BARX2: variants seen among roughly 807,000 people sequenced by gnomAD.
BARX2 encodes homeobox protein BarH-like 2.
Under a neutral mutation model 25.5 loss-of-function variants are expected in BARX2, and 11 were observed. The observed-to-expected ratio is 0.43, with a 90% confidence interval of 0.27 to 0.71. BARX2 has a LOEUF of 0.71. BARX2 is among the 30% of genes least tolerant of loss of function. BARX2 has a pLI of 0.19. For missense variants in BARX2, 360 were observed against 359.9 expected (o/e 1.00, Z 0.00); for synonymous variants, 137 against 149.5 (o/e 0.92, Z 0.61).
intron 2 of BARX2, 43 bp from the exon 3 acceptor site, chr11:129,442,792 C>A: frequency 6.5e-7 from 1 of 1,537,186 alleles, no homozygotes; most frequent in South Asian, 1.1e-5. Context: ...CTCCTGCTGC[C>A]TCCCATTCTG....
chr11:129,418,202 A>G (rs866708177), intron 1 of BARX2, among the ~76,000 whole-genome samples: 15 of 152,266 alleles, frequency 9.9e-5, no homozygotes, highest in East Asian at 7.7e-4. Context: ...TCTAGGCGTA[A>G]TGGTTGCAAA....
intron 1 of BARX2, among the ~76,000 whole-genome samples, chr11:129,405,997 T>C (rs148373419): frequency 1.7e-4 from 26 of 152,346 alleles, no homozygotes; most frequent in Admixed American, 1.7e-3. Context: ...CCTATGTATG[T>C]TACTTATCTA....
chr11:129,420,928 G>A (rs770532353), intron 1 of BARX2, among the ~76,000 whole-genome samples: 1 of 152,174 alleles, frequency 6.6e-6, no homozygotes. Context: ...GTACCAAAAA[G>A]GGACCTTCAA....
intron 1 of BARX2, among the ~76,000 whole-genome samples, chr11:129,389,328 C>T (rs1861644920): frequency 6.6e-6 from 1 of 152,136 alleles, no homozygotes; most frequent in South Asian, 2.1e-4. Context: ...TGAAAAACCC[C>T]ACTTTACTCC....
chr11:129,444,950 A>G (rs1447698760), intron 3 of BARX2, among the ~76,000 whole-genome samples: 1 of 152,176 alleles, frequency 6.6e-6, no homozygotes, highest in Non-Finnish European at 1.5e-5. Context: ...GCAGTGAGCC[A>G]AGATCACACC....
chr11:129,450,004 C>T (rs1008344079), intron 3 of BARX2, among the ~76,000 whole-genome samples: 4 of 152,158 alleles, frequency 2.6e-5, no homozygotes, highest in South Asian at 2.1e-4. Context: ...ATTCAGGTGC[C>T]GTTCTGGTCC....
chr11:129,416,031 C>T (rs1349582948), intron 1 of BARX2, among the ~76,000 whole-genome samples: 1 of 152,180 alleles, frequency 6.6e-6, no homozygotes, highest in Non-Finnish European at 1.5e-5. Context: ...CTTTTGAAGA[C>T]CCCTGTTTCA....
chr11:129,449,718 G>A (rs1337060420), intron 3 of BARX2, among the ~76,000 whole-genome samples: 4 of 152,196 alleles, frequency 2.6e-5, no homozygotes, highest in Non-Finnish European at 2.9e-5. Flanking sequence ...ATCTTTTCTC[G>A]ACTCTAGGGA....
chr11:129,438,595 G>A (rs926839476), intron 2 of BARX2, among the ~76,000 whole-genome samples: 61 of 152,270 alleles, frequency 4.0e-4, no homozygotes, highest in African/African-American at 3.9e-4. Context: ...GCATATCACC[G>A]ACTAAAAGGG....
chr11:129,417,732 G>A (rs911129359), intron 1 of BARX2, among the ~76,000 whole-genome samples: 3 of 152,200 alleles, frequency 2.0e-5, no homozygotes, highest in Non-Finnish European at 4.4e-5. Flanking sequence ...TTTGGCGAAG[G>A]ATTGTGCTAG....
chr11:129,382,383 T>TTA (rs1379331506), intron 1 of BARX2, among the ~76,000 whole-genome samples: 2 of 152,176 alleles, frequency 1.3e-5, no homozygotes, highest in Non-Finnish European at 2.9e-5. Flanking sequence ...TTCACCATGT[T>TTA]GGACAGGCTG....
At position 129,436,959 on chromosome 11, in the gene BARX2, G is replaced by T; in HGVS notation, c.396G>T (p.Lys132Asn). The change falls in exon 2 of 4, where the codon AAG becomes AAT. Residue 132 changes from lysine to asparagine, a missense_variant. Lys to Asn is a moderately conservative substitution (Grantham distance 94). Around this residue, in one of 3 missense-constraint regions of BARX2, gnomAD observed 240 missense variants for 228.7 expected, o/e 1.05. Coordinates refer to ENST00000281437, the MANE Select transcript of BARX2 (RefSeq NM_003658.5). This position sits in a 1 kb window ranked among gnomAD's most constrained non-coding sequence, Gnocchi z 4.5. ...AACAGCCCACGCCCCGACAGAAGAA[G>T]CCCCGCCGGAGTCGCACCATCTTCA... ...ETEQPTPRQK[K>N]PRRSRTIFTE... 1 of 1,611,986 alleles carries T rather than the reference G, an allele frequency of 6.2e-7. No individual in the cohort carries two copies.
intron 1 of BARX2, among the ~76,000 whole-genome samples, chr11:129,434,059 T>G (rs935245701): frequency 1.3e-5 from 2 of 152,198 alleles, no homozygotes; most frequent in Non-Finnish European, 2.9e-5. Context: ...AGGTTATCAC[T>G]GTTAACAGTT....
At chr11:129,441,822 T>C (rs1010331605) in intron 2 of BARX2, among the ~76,000 whole-genome samples, 2 of 152,182 alleles carry the variant, frequency 1.3e-5, no homozygotes, top group Non-Finnish European at 1.5e-5. Flanking sequence ...GAGAGTCTAA[T>C]CTCTCCAAGC....
At position 129,436,879 on chromosome 11, in the gene BARX2, G is replaced by A. The variant is rs768357006; in HGVS notation, c.316G>A (p.Val106Ile). The change falls in exon 2 of 4, where the codon GTC (valine) becomes ATC (isoleucine). Residue 106 changes from valine (V) to isoleucine (I), a missense_variant. Physicochemically the swap from Val to Ile is conservative, Grantham distance 29. Transcript: ENST00000281437. The surrounding 1 kb of genome is among the most constrained non-coding windows in gnomAD (Gnocchi z 4.5). Reference sequence around the variant, plus strand: ...GTCCTGCCACCAGGTCACCGAGGCGGTCTCTGCTGAGGCCCCAGGGGGCGA... The same window carrying A: ...GTCCTGCCACCAGGTCACCGAGGCGATCTCTGCTGAGGCCCCAGGGGGCGA... Reference protein sequence around the residue: ...ALSCHQVTEAVSAEAPGGEAL... With the variant: ...ALSCHQVTEAISAEAPGGEAL... 4 of 1,613,928 alleles carry A rather than the reference G, an allele frequency of 2.5e-6. No individual in the cohort carries two copies. Among genetic ancestry groups the A allele is most frequent in the African/African-American group, 1.3e-5 (1 of 74,938 alleles).
chr11:129,405,225 T>A (rs1307915208), intron 1 of BARX2, among the ~76,000 whole-genome samples: 1 of 152,182 alleles, frequency 6.6e-6, no homozygotes, highest in African/African-American at 2.4e-5. Flanking sequence ...CTCTCCTTAA[T>A]GTGCCAAGAG....
intron 1 of BARX2, among the ~76,000 whole-genome samples, chr11:129,380,685 AG>A (rs1170291762): frequency 2.0e-5 from 3 of 152,192 alleles, no homozygotes; most frequent in Admixed American, 6.5e-5. Flanking sequence ...GTAAATAAAT[AG>A]AGGGATGCAC....
At chr11:129,392,748 A>T (rs919363242) in intron 1 of BARX2, among the ~76,000 whole-genome samples, 31 of 152,040 alleles carry the variant, frequency 2.0e-4, no homozygotes, top group African/African-American at 7.2e-4. Flanking sequence ...AGTAGCTGGG[A>T]TACAGATGCG....
Position 129,451,605 on chromosome 11 carries a change from C to T in BARX2, c.*203C>T. On this transcript the variant is annotated 3_prime_UTR_variant, in exon 4 of 4. Transcript: ENST00000281437. ...TTGCTTGTCTTGGGCCTGTCACCTCCTGAAAGGCTGCTTTAGCTGTGGATG... is the reference window on the plus strand; with the variant it reads ...TTGCTTGTCTTGGGCCTGTCACCTCTTGAAAGGCTGCTTTAGCTGTGGATG... The T allele has an allele frequency of 1.6e-6, 1 of 643,518 alleles. No individual in the cohort carries two copies. The highest frequency in any genetic ancestry group is 2.6e-6 in the Non-Finnish European group (1 of 385,762). 39.9% of individuals were successfully genotyped at this position (643,518 alleles called of 1,614,324 possible).
Sources: allele counts gnomAD v4.1 joint callset (sites outside exome capture counted in the v4.1 genomes callset), GRCh38; gene constraint gnomAD v4.1.1; regional missense constraint gnomAD v4.1.1; non-coding constraint Gnocchi (gnomAD v3.1); transcripts MANE v1.5; gene names NCBI Gene and HGNC (gene_info 2026-07-23, HGNC 2026-07-21).